The following RIMOC1 variants were observed in gnomAD, a reference collection of about 807,000 sequenced individuals.
RIMOC1 encodes RAB7A-interacting MON1-CCZ1 complex subunit 1.
At chr5:41,908,689 C>T in the RIMOC1 span, among the ~76,000 whole-genome samples, 4 of 152,062 alleles carry the variant, frequency 2.6e-5, no homozygotes, top group East Asian at 7.7e-4. Context: ...TCTTTCTGTT[C>T]AGAAGACTCT....
the RIMOC1 span, chr5:41,916,451 A>C: frequency 6.2e-6 from 6 of 966,522 alleles, no homozygotes; most frequent in Admixed American, 2.5e-4. Context: ...TTTTCTGGTA[A>C]TACAAAGCAT....
chr5:41,910,930 A>T, the RIMOC1 span: 1 of 1,179,958 alleles, frequency 8.5e-7, no homozygotes, highest in East Asian at 2.5e-5. Flanking sequence ...GCAGCTAAAC[A>T]AAGGGAACAT....
the RIMOC1 span, among the ~76,000 whole-genome samples, chr5:41,913,277 A>G: frequency 6.6e-6 from 1 of 152,238 alleles, no homozygotes; most frequent in Non-Finnish European, 1.5e-5. Flanking sequence ...CCTGGGAAGT[A>G]TAGTCCTTAA....
At chr5:41,911,088 C>T in the RIMOC1 span, 192 of 1,610,050 alleles carry the variant, frequency 1.2e-4, no homozygotes, top group Admixed American at 1.0e-4. Context: ...GAATGTCTCT[C>T]TTGGAGACGA....
the RIMOC1 span, chr5:41,918,482 A>G: frequency 1.0e-6 from 1 of 985,362 alleles, no homozygotes; most frequent in Non-Finnish European, 1.2e-6. Flanking sequence ...TATATGAACT[A>G]ATCTCACCAG....
chr5:41,920,257 A>G, the RIMOC1 span: 1 of 152,178 alleles, frequency 6.6e-6, no homozygotes, highest in African/African-American at 2.4e-5. Flanking sequence ...CAGTTGGAGA[A>G]TAATTTGTAG....
chr5:41,908,180 C>T, the RIMOC1 span: 1 of 156,892 alleles, frequency 6.4e-6, no homozygotes, highest in Non-Finnish European at 1.4e-5. Context: ...AGGGCCCTGA[C>T]TTTTTTTTTT....
the RIMOC1 span, among the ~76,000 whole-genome samples, chr5:41,910,785 T>C: frequency 6.6e-6 from 1 of 152,122 alleles, no homozygotes; most frequent in African/African-American, 2.4e-5. Context: ...TGCAAACCTG[T>C]TAGGGGAATT....
the RIMOC1 span, chr5:41,909,746 G>GT: frequency 6.8e-7 from 1 of 1,465,442 alleles, no homozygotes. Flanking sequence ...TTTTTTTTAG[G>GT]CTATTTTGGA....
the RIMOC1 span, chr5:41,904,542 T>C: frequency 8.2e-5 from 115 of 1,399,908 alleles, no homozygotes; most frequent in African/African-American, 1.6e-4. Context: ...CTGTGAGGGC[T>C]AGAGGCTGAG....
chr5:41,919,853 A>G, the RIMOC1 span: 1 of 152,034 alleles, frequency 6.6e-6, no homozygotes, highest in Non-Finnish European at 1.5e-5. Context: ...CACTGATCAC[A>G]CTGCTTTGTA....
At chr5:41,910,909 T>A in the RIMOC1 span, 1 of 806,176 alleles carries the variant, frequency 1.2e-6, no homozygotes, top group Non-Finnish European at 1.9e-6. Flanking sequence ...AAATAAGGCC[T>A]CCCTGTGTAA....
the RIMOC1 span, chr5:41,917,850 G>T: frequency 5.0e-6 from 4 of 795,456 alleles, no homozygotes; most frequent in Non-Finnish European, 6.1e-6. Context: ...TAATTATTTT[G>T]CCATGTATTA....
the RIMOC1 span, among the ~76,000 whole-genome samples, chr5:41,915,778 G>A: frequency 6.6e-6 from 1 of 152,180 alleles, no homozygotes; most frequent in Non-Finnish European, 1.5e-5. Flanking sequence ...GGAATTATGA[G>A]GGTACAATTC....
the RIMOC1 span, chr5:41,917,240 G>T: frequency 6.2e-7 from 1 of 1,613,464 alleles, no homozygotes; most frequent in Non-Finnish European, 8.5e-7. Flanking sequence ...GAAAGAACAA[G>T]AATGGAATAC....
the RIMOC1 span, chr5:41,912,145 C>G: frequency 6.2e-7 from 1 of 1,610,596 alleles, no homozygotes; most frequent in Non-Finnish European, 8.5e-7. Context: ...GAAGGAGTTT[C>G]TTTCCAAGAT....
At chr5:41,918,673 T>C in the RIMOC1 span, 1 of 985,404 alleles carries the variant, frequency 1.0e-6, no homozygotes, top group African/African-American at 1.7e-5. Flanking sequence ...GTAAACCTTA[T>C]GTTTGTTACT....
the RIMOC1 span, chr5:41,918,212 A>G: frequency 4.1e-6 from 4 of 985,718 alleles, no homozygotes; most frequent in African/African-American, 5.2e-5. Context: ...TGACTTTATT[A>G]CATTCCAGCA....
chr5:41,906,786 C>T, the RIMOC1 span, among the ~76,000 whole-genome samples: 1 of 152,226 alleles, frequency 6.6e-6, no homozygotes, highest in African/African-American at 2.4e-5. Context: ...AACACCTTAT[C>T]TGTGTAACTC....
Sources: gnomAD v4.1 joint callset for allele counts (sites outside exome capture counted in the v4.1 genomes callset) on GRCh38, gnomAD v4.1.1 for gene constraint, MANE v1.5 for transcripts, NCBI Gene and HGNC (gene_info 2026-07-23, HGNC 2026-07-21) for gene names.